Variants in EOGT observed in about 807,000 individuals in gnomAD.
EOGT encodes the protein EGF domain specific O-linked N-acetylglucosamine transferase.
In EOGT, 55 loss-of-function variants were observed where a neutral mutation model predicts 70.5. The observed-to-expected ratio is 0.78, with a 90% CI of 0.63 to 0.98. EOGT has a LOEUF of 0.98. Among genes scored for constraint, EOGT ranks in the 50% least tolerant of loss-of-function variants. The pLI is 0.00. For missense variants in EOGT, 703 were observed against 641.9 expected (o/e 1.10, Z -1.03); for synonymous variants, 246 against 217.1 (o/e 1.13, Z -1.17).
chr3:69,001,565 C>T (rs369938188), intron 9 of EOGT, 43 bp downstream of exon 9: 1 of 1,282,190 alleles, frequency 7.8e-7, no homozygotes, highest in Non-Finnish European at 1.1e-6. Context: ...GGAATAATAT[C>T]TCATTAACAA....
intron 14 of EOGT, among the ~76,000 whole-genome samples, chr3:68,984,859 G>A (rs2090759242): frequency 2.0e-5 from 3 of 152,164 alleles, no homozygotes; most frequent in Non-Finnish European, 4.4e-5. Context: ...ACTGGGGCCA[G>A]AGGTAGCTTC....
At chr3:68,996,635 C>T (rs1422090729) in intron 10 of EOGT, among the ~76,000 whole-genome samples, 1 of 152,220 alleles carries the variant, frequency 6.6e-6, no homozygotes, top group Non-Finnish European at 1.5e-5. Context: ...ATCGCCTGTA[C>T]CTGCCCCAGG....
chr3:68,991,355 T>C (rs2090988674), intron 10 of EOGT, among the ~76,000 whole-genome samples: 1 of 152,264 alleles, frequency 6.6e-6, no homozygotes, highest in Admixed American at 6.5e-5. Context: ...TATAGGAATC[T>C]GTCCTACAGA....
chr3:68,981,144 G>C (rs1386035500), intron 15 of EOGT, among the ~76,000 whole-genome samples: 1 of 152,184 alleles, frequency 6.6e-6, no homozygotes, highest in Non-Finnish European at 1.5e-5. Flanking sequence ...GAAGACTGTT[G>C]AAAGCGTGAG....
chr3:68,979,955 T>C (rs2090590012), intron 15 of EOGT, among the ~76,000 whole-genome samples, 168 bp from the exon 16 acceptor site: 1 of 152,224 alleles, frequency 6.6e-6, no homozygotes, highest in East Asian at 1.9e-4. Flanking sequence ...CTCTAGTAAT[T>C]AATAAGTTTC....
intron 9 of EOGT, 144 bp from the exon 10 acceptor site, chr3:68,998,258 C>T: frequency 1.7e-6 from 1 of 592,942 alleles, no homozygotes; most frequent in South Asian, 2.2e-5. Context: ...TTTTTCCAAA[C>T]ATGAAATGAT....
At chr3:68,984,205 C>T (rs1008316097) in intron 14 of EOGT, among the ~76,000 whole-genome samples, 7 of 149,804 alleles carry the variant, frequency 4.7e-5, no homozygotes, top group African/African-American at 1.5e-4. Context: ...AATCCCCTCC[C>T]CTCTCTCTCT....
At chr3:69,002,819 T>C (rs922327866) in intron 8 of EOGT, among the ~76,000 whole-genome samples, 1 of 152,084 alleles carries the variant, frequency 6.6e-6, no homozygotes, top group Non-Finnish European at 1.5e-5. Flanking sequence ...CTCGCCCAGC[T>C]AATTTATTTT....
At chr3:69,006,441 T>C (rs1356042511) in intron 6 of EOGT, among the ~76,000 whole-genome samples, 2 of 152,166 alleles carry the variant, frequency 1.3e-5, no homozygotes, top group Admixed American at 6.5e-5. Flanking sequence ...TCCAGTGTGG[T>C]TGGAGATCGG....
At chr3:68,997,660 C>T (rs567930002) in intron 10 of EOGT, among the ~76,000 whole-genome samples, 25 of 152,258 alleles carry the variant, frequency 1.6e-4, no homozygotes, top group African/African-American at 4.3e-4. Context: ...TGAGCCACCA[C>T]GCCCTGCTGA....
chr3:68,982,916 C>A, intron 14 of EOGT, 44 bp from the exon 15 acceptor site: 2 of 1,521,548 alleles, frequency 1.3e-6, no homozygotes, highest in South Asian at 1.2e-5. Context: ...TTCCTTCTTT[C>A]ACTTCTGTTT....
chr3:68,990,596 CG>C (rs1369413353), intron 10 of EOGT, among the ~76,000 whole-genome samples: 1 of 152,090 alleles, frequency 6.6e-6, no homozygotes, highest in African/African-American at 2.4e-5. Flanking sequence ...TCAAGTGCTC[CG>C]CCTACCACGG....
chr3:69,003,733 A>ACGGGGG (rs2091361403), intron 8 of EOGT, among the ~76,000 whole-genome samples: 1 of 152,030 alleles, frequency 6.6e-6, no homozygotes, highest in Non-Finnish European at 1.5e-5. Flanking sequence ...GGAGAGGGGG[A>ACGGGGG]TGGGGGTAGA....
chr3:69,003,321 G>A (rs2091350599), intron 8 of EOGT, among the ~76,000 whole-genome samples: 1 of 152,160 alleles, frequency 6.6e-6, no homozygotes. Context: ...AGTATGATAT[G>A]GTTTGGCTGT....
chr3:69,008,825 C>T (rs1479866475), intron 4 of EOGT, among the ~76,000 whole-genome samples: 1 of 152,188 alleles, frequency 6.6e-6, no homozygotes, highest in Non-Finnish European at 1.5e-5. Context: ...CTTAAGAAAC[C>T]ACCTTTCTCA....
intron 4 of EOGT, among the ~76,000 whole-genome samples, chr3:69,009,424 GA>G (rs766399119): frequency 2.8e-4 from 43 of 152,248 alleles, no homozygotes; most frequent in Admixed American, 9.8e-4. Context: ...ATTTGTTTTA[GA>G]AGTGATTTAG....
At chr3:69,004,230 T>C in intron 8 of EOGT, 148 bp downstream of exon 8, 1 of 616,956 alleles carries the variant, frequency 1.6e-6, no homozygotes, top group Non-Finnish European at 2.9e-6. Context: ...ACTGAGGGAT[T>C]CACTCGGTTT....
chr3:69,011,710 G>C (rs1218859408), intron 3 of EOGT, among the ~76,000 whole-genome samples: 1 of 151,918 alleles, frequency 6.6e-6, no homozygotes, highest in African/African-American at 2.4e-5. Context: ...ACACCAAAAA[G>C]GAATCCTTTT....
chr3:68,993,947 T>C (rs533887592), intron 10 of EOGT, among the ~76,000 whole-genome samples: 1 of 152,278 alleles, frequency 6.6e-6, no homozygotes, highest in African/African-American at 2.4e-5. Context: ...TACCTCCCCC[T>C]GGGTCCCTCC....
Sources: gnomAD v4.1 joint callset for allele counts (sites outside exome capture counted in the v4.1 genomes callset) on GRCh38, gnomAD v4.1.1 for gene constraint, MANE v1.5 for transcripts, NCBI Gene and HGNC (gene_info 2026-07-23, HGNC 2026-07-21) for gene names.